Variants in USO1 observed in about 807,000 individuals in gnomAD.
USO1 encodes general vesicular transport factor p115.
In USO1, 57 loss-of-function variants were observed where a neutral mutation model predicts 124.5. That is an observed-to-expected ratio of 0.46 (90% confidence interval 0.37 to 0.57). The LOEUF (loss-of-function observed/expected upper bound fraction) is 0.57. USO1 is among the 20% of genes least tolerant of loss of function. USO1 has a pLI of 0.00. For missense variants in USO1, 900 were observed against 1,040.6 expected (o/e 0.86, Z 1.86); for synonymous variants, 369 against 362.8 (o/e 1.02, Z -0.19).
chr4:75,756,394 AC>A (rs1366056999), intron 3 of USO1, among the ~76,000 whole-genome samples: 1 of 149,466 alleles, frequency 6.7e-6, no homozygotes, highest in Non-Finnish European at 1.5e-5. Context: ...GTTAAATCAC[AC>A]GCATATTTTA....
At chr4:75,774,057 A>G (rs1005954087) in intron 7 of USO1, among the ~76,000 whole-genome samples, 2 of 152,240 alleles carry the variant, frequency 1.3e-5, no homozygotes, top group African/African-American at 4.8e-5. Flanking sequence ...TATAAAATAT[A>G]TAAACTGTAT....
intron 1 of USO1, among the ~76,000 whole-genome samples, chr4:75,730,218 T>G (rs1428378581): frequency 1.3e-5 from 2 of 152,232 alleles, no homozygotes; most frequent in African/African-American, 4.8e-5. Context: ...CATTTAAAAG[T>G]TAGAATCATT....
At chr4:75,732,452 T>A (rs1720659704) in intron 1 of USO1, among the ~76,000 whole-genome samples, 1 of 152,232 alleles carries the variant, frequency 6.6e-6, no homozygotes, top group Admixed American at 6.5e-5. Flanking sequence ...CAGTTGTGAA[T>A]AGTGCTCCAG....
intron 9 of USO1, among the ~76,000 whole-genome samples, chr4:75,783,811 A>G (rs916012184): frequency 6.6e-6 from 1 of 152,206 alleles, no homozygotes; most frequent in Non-Finnish European, 1.5e-5. Context: ...ATTATAAATT[A>G]TGCAGTTACC....
chr4:75,759,871 T>G (rs1330714229), intron 4 of USO1, among the ~76,000 whole-genome samples: 2 of 148,650 alleles, frequency 1.3e-5, no homozygotes, highest in Non-Finnish European at 3.0e-5. Flanking sequence ...ATTGTGCCAC[T>G]GCACTCTCCA....
intron 4 of USO1, 37 bp from the exon 5 acceptor site, chr4:75,770,402 C>T: frequency 6.7e-7 from 1 of 1,483,342 alleles, no homozygotes; most frequent in Non-Finnish European, 9.0e-7. Flanking sequence ...AAATAACCTA[C>T]TATTAAATTG....
At position 75,812,175 on chromosome 4, in the gene USO1, C is replaced by G. The variant is rs778888115; in HGVS notation, c.2599C>G (p.Leu867Val). 2.5e-6 allele frequency: 4 copies of G among 1,604,108 alleles called. No homozygotes were observed. In the African/African-American group the frequency reaches 5.4e-5, roughly 21 times the overall value. The change falls in exon 23 of 24, where the codon CTG (leucine) becomes GTG (valine). Residue 867 changes from leucine to valine, a missense_variant. Physicochemically the swap from Leu to Val is conservative, Grantham distance 32 (BLOSUM62 1). Transcript: ENST00000514213. ...TKELKNEIKA[L>V]SEERTAIKEQ... Reference sequence around the variant, plus strand: ...CTTTTCCTAGAATGAAATTAAAGCTCTGTCTGAGGAAAGAACTGCCATTAA... The same window carrying G: ...CTTTTCCTAGAATGAAATTAAAGCTGTGTCTGAGGAAAGAACTGCCATTAA...
chr4:75,797,689 T>C (rs1256471211), intron 13 of USO1, among the ~76,000 whole-genome samples: 1 of 152,106 alleles, frequency 6.6e-6, no homozygotes, highest in Non-Finnish European at 1.5e-5. Context: ...TCACCCAGAC[T>C]GGAGCGCAGT....
rs1375213751 is a variant in USO1 at position 75,800,363 on chromosome 4, A to G, written c.1576A>G (p.Ile526Val). 6.3e-7 allele frequency: 1 copy of G among 1,591,388 alleles called. No individual in the cohort carries two copies. The highest frequency in any genetic ancestry group is 1.1e-5 in the South Asian group (1 of 86,968). The change falls in exon 15 of 24, where the codon ATT becomes GTT. Residue 526 changes from isoleucine (I) to valine (V), a missense_variant. By Grantham distance (29) the Ile-to-Val change is conservative (BLOSUM62 3). Transcript: ENST00000514213. ...SANVPFLTGQ[I>V]AENLGEEEQL... The stretch of plus-strand genomic sequence containing the variant: ...ACAAAGATTTCAGCTTACAGGACAA[A>G]TTGCAGAAAATCTTGGAGAAGAAGA...
intron 4 of USO1, among the ~76,000 whole-genome samples, chr4:75,759,028 A>G (rs1721520919): frequency 6.6e-6 from 1 of 151,908 alleles, no homozygotes; most frequent in Non-Finnish European, 1.5e-5. Context: ...TTAAAAATTT[A>G]GCTCTTTTTC....
intron 13 of USO1, among the ~76,000 whole-genome samples, chr4:75,794,894 T>C (rs570550100): frequency 9.2e-5 from 14 of 152,354 alleles, no homozygotes; most frequent in African/African-American, 3.1e-4. Flanking sequence ...TTATCACTTA[T>C]CTCTTAGAGA....
At position 75,750,070 on chromosome 4, in the gene USO1, C is replaced by T. The variant is rs1264011467; in HGVS notation, c.67-2303C>T. Among the ~76,000 whole-genome samples, 3 of 152,252 alleles carry T rather than the reference C, an allele frequency of 2.0e-5. No individual in the cohort carries two copies. The East Asian group carries it at 5.8e-4, about 29-fold the overall frequency. On this transcript the variant is annotated intron_variant, in intron 1 of 23. Transcript: ENST00000514213. ...GCCCGGCCTAAACTATGTTCTTCAT[C>T]AGATGTTTTCCAAATATTTTCACCC...
chr4:75,784,219 C>T (rs1722297056), intron 9 of USO1, among the ~76,000 whole-genome samples: 1 of 152,178 alleles, frequency 6.6e-6, no homozygotes. Context: ...TGAGGTCTCA[C>T]TGTATTGCCA....
intron 22 of USO1, among the ~76,000 whole-genome samples, chr4:75,810,859 T>C (rs1030783320): frequency 6.6e-6 from 1 of 152,092 alleles, no homozygotes; most frequent in African/African-American, 2.4e-5. Flanking sequence ...ACCTACTGAG[T>C]AGCTGGGACT....
chr4:75,735,299 CATT>C (rs1720757213), intron 1 of USO1, among the ~76,000 whole-genome samples: 1 of 152,020 alleles, frequency 6.6e-6, no homozygotes, highest in Admixed American at 6.6e-5. Context: ...TATCCTGAAA[CATT>C]ATTGAAGTCG....
intron 20 of USO1, among the ~76,000 whole-genome samples, chr4:75,807,242 A>T (rs895908177): frequency 5.3e-5 from 8 of 152,176 alleles, no homozygotes; most frequent in Non-Finnish European, 1.0e-4. Context: ...TAATGTAGCA[A>T]TTGGAAGAAA....
At chr4:75,732,505 T>C (rs1720660978) in intron 1 of USO1, among the ~76,000 whole-genome samples, 1 of 152,184 alleles carries the variant, frequency 6.6e-6, no homozygotes, top group South Asian at 2.1e-4. Context: ...AATGATTTAT[T>C]TTTCTTTATT....
intron 4 of USO1, among the ~76,000 whole-genome samples, chr4:75,760,389 G>T (rs976639800): frequency 6.6e-6 from 1 of 152,030 alleles, no homozygotes; most frequent in Non-Finnish European, 1.5e-5. Flanking sequence ...AATCTGTCTC[G>T]TAGTCCTAAA....
At position 75,800,906 on chromosome 4, in the gene USO1, T is replaced by C. The variant is rs539375724; in HGVS notation, c.1864+107T>C. On this transcript the variant is annotated intron_variant, in intron 16 of 23. Transcript: ENST00000514213. ...TTATATGGTAACTCTAAAGGTATATTTTCTTCCTAGCTCTTGATCTGTAGC... is the reference window on the plus strand; with the variant it reads ...TTATATGGTAACTCTAAAGGTATATCTTCTTCCTAGCTCTTGATCTGTAGC... 12 of 1,461,792 alleles carry C rather than the reference T, an allele frequency of 8.2e-6. No homozygotes were observed. The South Asian group carries it at 1.3e-4, about 16-fold the overall frequency. The allele number at this position is 1,461,792 out of a possible 1,614,324, so 90.6% of individuals were successfully genotyped here.
Sources: gnomAD v4.1 joint callset for allele counts (sites outside exome capture counted in the v4.1 genomes callset) on GRCh38, gnomAD v4.1.1 for gene constraint, MANE v1.5 for transcripts, NCBI Gene and HGNC (gene_info 2026-07-23, HGNC 2026-07-21) for gene names.